Variants in HSD17B2 observed in about 807,000 individuals in gnomAD.
HSD17B2 encodes 17-beta-hydroxysteroid dehydrogenase type 2.
A neutral mutation model predicts 26.9 loss-of-function variants in HSD17B2; 32 were observed. That is an observed-to-expected ratio of 1.19 (90% CI 0.90 to 1.60). The LOEUF (loss-of-function observed/expected upper bound fraction) is 1.60. HSD17B2 is among the 40% of genes most tolerant of loss of function. The pLI, the probability that HSD17B2 is intolerant of heterozygous loss-of-function variation, is 0.00. For missense variants in HSD17B2, 613 were observed against 468.6 expected (o/e 1.31, Z -2.85); for synonymous variants, 246 against 186.7 (o/e 1.32, Z -2.59).
rs764617878 is a variant in HSD17B2 at position 82,098,278 on chromosome 16, G to C, written c.1006G>C (p.Ala336Pro). 3 of 1,614,192 alleles carry C rather than the reference G, an allele frequency of 1.9e-6. No homozygotes were observed. The highest frequency in any genetic ancestry group is 2.5e-6 in the Non-Finnish European group (3 of 1,180,032). ...QHAILAKSPFAYYTPGKGAYL... is the reference protein window; with the variant it reads ...QHAILAKSPFPYYTPGKGAYL... ...TGCTATCTTGGCGAAGAGCCCTTTT[G>C]CCTATTACACGCCAGGGAAAGGCGC... Residue 336 changes from alanine (A) to proline (P), a missense_variant, in exon 5 of 5, where the codon GCC becomes CCC. Coordinates refer to ENST00000199936, the MANE Select transcript of HSD17B2 (RefSeq NM_002153.3).
At chr16:82,089,348 G>C (rs756209650) in intron 3 of HSD17B2, among the ~76,000 whole-genome samples, 2 of 152,148 alleles carry the variant, frequency 1.3e-5, no homozygotes, top group Non-Finnish European at 2.9e-5. Flanking sequence ...CTGGACTACA[G>C]TTTGCTTATC....
rs762488702 is a variant in HSD17B2, at chr16:82,070,920, CATT to C, written c.479-19_479-17del. ...TCACTTCCTCTTCCAGACACTCACT[CATT>C]ATGGTTTTCTGTCTCCAGGACTGTG... On this transcript the variant is annotated intron_variant, in intron 2 of 4. Coordinates refer to ENST00000199936, the MANE Select transcript of HSD17B2 (RefSeq NM_002153.3). The C allele has an allele frequency of 3.5e-5, 56 of 1,603,720 alleles. No homozygotes were observed. The African/African-American group carries it at 6.7e-4, about 19-fold the overall frequency.
intron 1 of HSD17B2, among the ~76,000 whole-genome samples, chr16:82,042,037 C>G (rs1249016437): frequency 6.7e-6 from 1 of 150,126 alleles, no homozygotes; most frequent in Admixed American, 6.6e-5. Context: ...GAGTCTCGCT[C>G]TGTCACCCAG....
chr16:82,088,427 G>A (rs1354240755), intron 3 of HSD17B2, among the ~76,000 whole-genome samples: 2 of 152,108 alleles, frequency 1.3e-5, no homozygotes, highest in African/African-American at 2.4e-5. Flanking sequence ...AGATAAAAAG[G>A]CAGAGACCAA....
chr16:82,097,342 T>C (rs540333749), intron 4 of HSD17B2: 1 of 100,630 alleles, frequency 9.9e-6, no homozygotes, highest in African/African-American at 3.4e-5. Context: ...ATACACATTA[T>C]ATATGTGTAC....
chr16:82,097,350 T>TAACACAC (rs1555534470), intron 4 of HSD17B2: 2 of 101,718 alleles, frequency 2.0e-5, no homozygotes, highest in Non-Finnish European at 4.8e-5. Flanking sequence ...TATATATGTG[T>TAACACAC]ACACACACAC....
rs967532209 is a variant in HSD17B2, at chr16:82,074,124, G to A, written c.664+2997G>A. Among the ~76,000 whole-genome samples the A allele has an allele frequency of 2.0e-5, 3 of 152,222 alleles. No homozygotes were observed. In the South Asian group the frequency reaches 6.2e-4, roughly 32 times the overall value. The stretch of plus-strand genomic sequence containing the variant: ...GGTAAGGATTCCCTATTCAATAAAC[G>A]ATGCTGGGGTAACTGGCTAGCCATA... On this transcript the variant is annotated intron_variant, in intron 3 of 4. Transcript: ENST00000199936.
chr16:82,070,820 C>A, intron 2 of HSD17B2, 122 bp from the exon 3 acceptor site: 1 of 883,336 alleles, frequency 1.1e-6, no homozygotes, highest in Non-Finnish European at 1.7e-6. Flanking sequence ...CAGTGGCAGA[C>A]TCTAATCCCC....
intron 3 of HSD17B2, among the ~76,000 whole-genome samples, chr16:82,078,138 A>T (rs867808252): frequency 3.3e-5 from 5 of 152,236 alleles, no homozygotes; most frequent in Admixed American, 2.6e-4. Flanking sequence ...CCATTTGACA[A>T]AGACTTAATA....
chr16:82,062,045 G>A (rs555114425), intron 1 of HSD17B2, among the ~76,000 whole-genome samples: 1 of 152,322 alleles, frequency 6.6e-6, no homozygotes, highest in African/African-American at 2.4e-5. Flanking sequence ...AAATGATGGG[G>A]TGTTTCCGTT....
At chr16:82,040,517 C>G (rs1465315589) in intron 1 of HSD17B2, among the ~76,000 whole-genome samples, 1 of 152,236 alleles carries the variant, frequency 6.6e-6, no homozygotes, top group Non-Finnish European at 1.5e-5. Context: ...AAGCCATCCT[C>G]TTAACCACTG....
At chr16:82,051,582 G>A (rs1914108334) in intron 1 of HSD17B2, among the ~76,000 whole-genome samples, 1 of 151,952 alleles carries the variant, frequency 6.6e-6, no homozygotes, top group African/African-American at 2.4e-5. Flanking sequence ...GGGTGAGGGT[G>A]AGGGGAGGGG....
At chr16:82,070,658 C>T (rs1914677134) in intron 2 of HSD17B2, 2 of 428,250 alleles carry the variant, frequency 4.7e-6, no homozygotes. Context: ...CCTGCCAAAC[C>T]CTTAATTTGC....
chr16:82,081,942 G>T (rs1354284675), intron 3 of HSD17B2, among the ~76,000 whole-genome samples: 1 of 152,108 alleles, frequency 6.6e-6, no homozygotes, highest in East Asian at 1.9e-4. Flanking sequence ...CATATCCTTT[G>T]CAGGGACACG....
At chr16:82,074,511 T>A (rs1359968720) in intron 3 of HSD17B2, among the ~76,000 whole-genome samples, 1 of 152,196 alleles carries the variant, frequency 6.6e-6, no homozygotes, top group African/African-American at 2.4e-5. Flanking sequence ...GAAAAAGATA[T>A]TTCATGCAAA....
chr16:82,059,216 T>G (rs1914362636), intron 1 of HSD17B2, among the ~76,000 whole-genome samples: 1 of 152,246 alleles, frequency 6.6e-6, no homozygotes, highest in Admixed American at 6.5e-5. Flanking sequence ...GTGCATCTTC[T>G]CTCTAGACCA....
chr16:82,037,900 T>G (rs1456420236), intron 1 of HSD17B2, among the ~76,000 whole-genome samples: 1 of 152,224 alleles, frequency 6.6e-6, no homozygotes, highest in African/African-American at 2.4e-5. Context: ...TGTATATGGT[T>G]GGATTAGTGT....
intron 1 of HSD17B2, among the ~76,000 whole-genome samples, chr16:82,040,824 T>C (rs1913745950): frequency 6.6e-6 from 1 of 152,188 alleles, no homozygotes; most frequent in African/African-American, 2.4e-5. Flanking sequence ...TCAAGTGAAG[T>C]GTCACTGGAA....
intron 1 of HSD17B2, among the ~76,000 whole-genome samples, chr16:82,050,301 C>T (rs774528023): frequency 7.2e-5 from 11 of 151,822 alleles, no homozygotes; most frequent in Non-Finnish European, 1.3e-4. Context: ...CCAAGAACTC[C>T]CCTTCATTCT....
Sources: allele counts gnomAD v4.1 joint callset (sites outside exome capture counted in the v4.1 genomes callset), GRCh38; gene constraint gnomAD v4.1.1; transcripts MANE v1.5; gene names NCBI Gene and HGNC (gene_info 2026-07-23, HGNC 2026-07-21).